The following GPM6A variants were observed in gnomAD, a reference collection of about 807,000 sequenced individuals.
GPM6A encodes the protein glycoprotein M6A.
Under a neutral mutation model 32.1 loss-of-function variants are expected in GPM6A, and 7 were observed. The observed-to-expected ratio is 0.22, with a 90% confidence interval of 0.12 to 0.41. GPM6A has a LOEUF of 0.41. GPM6A is among the 10% of genes least tolerant of loss of function. The pLI, the probability that GPM6A is intolerant of heterozygous loss-of-function variation, is 1.00. For missense variants in GPM6A, 235 were observed against 347.2 expected (o/e 0.68, Z 2.57); for synonymous variants, 130 against 123.4 (o/e 1.05, Z -0.35).
At chr4:175,911,967 A>T (rs2132336) in intron 1 of GPM6A, among the ~76,000 whole-genome samples, 147,415 of 152,238 alleles carry the variant, frequency 0.97, 71,560 homozygotes, top group East Asian at 1. Context: ...TTTTAACACA[A>T]CAAACTGATG....
At chr4:175,812,301 GTTTTTT>G, upstream of GPM6A, 2 of 793,064 alleles carry the variant, frequency 2.5e-6, no homozygotes, top group East Asian at 8.8e-5. Flanking sequence ...AAAACTGGGG[GTTTTTT>G]TTTTTTTTTT....
chr4:175,744,059 G>A (rs1731998075), intron 1 of GPM6A, among the ~76,000 whole-genome samples: 1 of 151,680 alleles, frequency 6.6e-6, no homozygotes, highest in Non-Finnish European at 1.5e-5. Context: ...GCAACCACAA[G>A]TTGCAGAATA....
intron 2 of GPM6A, among the ~76,000 whole-genome samples, chr4:175,691,432 T>A (rs958344782): frequency 5.3e-5 from 8 of 151,640 alleles, no homozygotes; most frequent in African/African-American, 1.2e-4. Context: ...TAAATTTTTT[T>A]AAAAAGCATA....
intron 1 of GPM6A, among the ~76,000 whole-genome samples, chr4:175,778,175 A>T (rs1332295253): frequency 6.6e-6 from 1 of 152,200 alleles, no homozygotes. Flanking sequence ...TTATGGGATT[A>T]ATGTTTTCTG....
chr4:175,684,707 G>A (rs138663196), intron 2 of GPM6A, among the ~76,000 whole-genome samples: 139 of 151,898 alleles, frequency 9.2e-4, no homozygotes, highest in African/African-American at 3.0e-3. Flanking sequence ...TTATCTGTTC[G>A]GTCCTTTCCA....
chr4:175,851,587 G>A (rs1736260635), intron 1 of GPM6A, among the ~76,000 whole-genome samples: 1 of 152,010 alleles, frequency 6.6e-6, no homozygotes, highest in South Asian at 2.1e-4. Flanking sequence ...AGAGGGAAGA[G>A]TACCTAGTTC....
intron 1 of GPM6A, among the ~76,000 whole-genome samples, chr4:175,803,306 T>C (rs1037492564): frequency 6.6e-6 from 1 of 152,146 alleles, no homozygotes; most frequent in African/African-American, 2.4e-5. Flanking sequence ...AGAATGGAGC[T>C]ACAGCATAAC....
At chr4:175,834,978 C>T (rs1735720162) in intron 1 of GPM6A, among the ~76,000 whole-genome samples, 1 of 152,190 alleles carries the variant, frequency 6.6e-6, no homozygotes. Flanking sequence ...TGCCTTTATT[C>T]TTCCCTTTCT....
intron 1 of GPM6A, among the ~76,000 whole-genome samples, chr4:175,977,765 G>T (rs554751643): frequency 3.4e-4 from 52 of 152,266 alleles, no homozygotes; most frequent in African/African-American, 1.2e-3. Context: ...TCTACGTGAT[G>T]CAGTAACATT....
intron 1 of GPM6A, among the ~76,000 whole-genome samples, chr4:175,874,001 G>A (rs1737000565): frequency 6.6e-6 from 1 of 152,060 alleles, no homozygotes; most frequent in Non-Finnish European, 1.5e-5. Flanking sequence ...AGTAATAAAA[G>A]AGTCCCATAA....
At chr4:175,953,021 C>A in intron 1 of GPM6A, among the ~76,000 whole-genome samples, 2 of 105,480 alleles carry the variant, frequency 1.9e-5, no homozygotes, top group Non-Finnish European at 2.3e-5. Context: ...CAGAACAAGA[C>A]CCTGTTTTTA....
chr4:175,636,396 C>T lies in GPM6A; in HGVS notation c.685-1339G>A, dbSNP rs1740613999. Among the ~76,000 whole-genome samples the T allele has an allele frequency of 2.0e-5, 3 of 150,002 alleles. No individual in the cohort carries two copies. The Admixed American group carries it at 2.0e-4, about 10-fold the overall frequency. On this transcript the variant is annotated intron_variant, in intron 6 of 6. Coordinates refer to ENST00000393658, the MANE Select transcript of GPM6A (RefSeq NM_201591.3). ...CAAGTGCTGTGGAGAGTGCTTAGTACATAGCAGATACACAAAATATTTGCC... is the reference window on the plus strand; with the variant it reads ...CAAGTGCTGTGGAGAGTGCTTAGTATATAGCAGATACACAAAATATTTGCC...
chr4:175,795,306 C>CATAA (rs1734175471), intron 1 of GPM6A, among the ~76,000 whole-genome samples: 3 of 152,094 alleles, frequency 2.0e-5, no homozygotes, highest in Non-Finnish European at 4.4e-5. Context: ...GGCAGGCAGC[C>CATAA]TCTTCGAAGG....
At chr4:175,877,079 C>T (rs1047926121) in intron 1 of GPM6A, among the ~76,000 whole-genome samples, 1 of 152,134 alleles carries the variant, frequency 6.6e-6, no homozygotes, top group African/African-American at 2.4e-5. Flanking sequence ...GATTCCCTGC[C>T]ATCAGGGAAA....
chr4:175,708,390 T>TATTC (rs1052813167), intron 1 of GPM6A, among the ~76,000 whole-genome samples: 1 of 151,170 alleles, frequency 6.6e-6, no homozygotes, highest in African/African-American at 2.4e-5. Context: ...TTTATTTATT[T>TATTC]ATTTATTTAT....
chr4:175,667,820 G>C (rs1296609878), intron 3 of GPM6A, among the ~76,000 whole-genome samples: 1 of 151,864 alleles, frequency 6.6e-6, no homozygotes, highest in East Asian at 1.9e-4. Context: ...TTTTTTTTAA[G>C]TTTTGGCCAA....
chr4:175,811,439 C>A (rs1328083348), intron 1 of GPM6A, among the ~76,000 whole-genome samples: 1 of 152,154 alleles, frequency 6.6e-6, no homozygotes, highest in East Asian at 1.9e-4. Flanking sequence ...TAAAACAATT[C>A]TCGAGTTGAT....
At chr4:175,962,137 T>C (rs1740186661) in intron 1 of GPM6A, 5 of 801,170 alleles carry the variant, frequency 6.2e-6, no homozygotes, top group East Asian at 4.9e-5. Context: ...CCAGTGACAA[T>C]GTTACAGGAC....
chr4:175,829,996 G>C (rs942141322), intron 1 of GPM6A, among the ~76,000 whole-genome samples: 7 of 152,132 alleles, frequency 4.6e-5, no homozygotes, highest in Admixed American at 3.9e-4. Context: ...AGGCATAGTA[G>C]TTGGCTCTGC....
Sources: allele counts gnomAD v4.1 joint callset (sites outside exome capture counted in the v4.1 genomes callset), GRCh38; gene constraint gnomAD v4.1.1; transcripts MANE v1.5; gene names NCBI Gene and HGNC (gene_info 2026-07-23, HGNC 2026-07-21).